The following DAB1 variants were observed in gnomAD, a reference collection of about 807,000 sequenced individuals.
DAB1 encodes the protein disabled homolog 1.
In DAB1, 15 loss-of-function variants were observed where a neutral mutation model predicts 64.6. The ratio of observed to expected loss-of-function variants is 0.23; its 90% CI spans 0.16 to 0.36. DAB1 has a LOEUF of 0.36. Among genes scored for constraint, DAB1 ranks in the 10% least tolerant of loss-of-function variants. DAB1 has a pLI of 1.00. For synonymous variants in DAB1, 235 were observed against 251.9 expected, an observed-to-expected ratio of 0.93 and a Z score of 0.64; for missense variants, 596 against 706.7, an observed-to-expected ratio of 0.84 and a Z score of 1.78.
At chr1:58,390,065 C>T (rs1644463723) in intron 3 of DAB1, among the ~76,000 whole-genome samples, 1 of 152,112 alleles carries the variant, frequency 6.6e-6, no homozygotes, top group African/African-American at 2.4e-5. Context: ...TATACTTTGC[C>T]TCTAACACAG....
intron 1 of DAB1, among the ~76,000 whole-genome samples, chr1:57,419,824 A>G (rs1684764070): frequency 6.6e-6 from 1 of 152,268 alleles, no homozygotes; most frequent in Non-Finnish European, 1.5e-5. Context: ...GAGCTGGTAG[A>G]GCTGAGATCT....
intron 1 of DAB1, among the ~76,000 whole-genome samples, chr1:58,543,224 G>T (rs961997524): frequency 6.6e-6 from 1 of 152,086 alleles, no homozygotes; most frequent in Non-Finnish European, 1.5e-5. Flanking sequence ...TCTCTAAGAC[G>T]TTTACATGGT....
intron 2 of DAB1, among the ~76,000 whole-genome samples, chr1:57,261,549 G>A (rs1670184156): frequency 6.6e-6 from 1 of 152,188 alleles, no homozygotes; most frequent in Non-Finnish European, 1.5e-5. Flanking sequence ...CAACCAGCTA[G>A]AATTGATAAT....
intron 5 of DAB1, chr1:58,048,050 A>G (rs1647361586): frequency 1.5e-6 from 1 of 686,490 alleles, no homozygotes; most frequent in Non-Finnish European, 2.6e-6. Flanking sequence ...TGTCTAAAAC[A>G]TGTCTTCTTT....
At chr1:58,092,760 G>A (rs1650745951) in intron 5 of DAB1, among the ~76,000 whole-genome samples, 1 of 152,090 alleles carries the variant, frequency 6.6e-6, no homozygotes, top group African/African-American at 2.4e-5. Flanking sequence ...AGCAAAAAGA[G>A]GTGGGGAGGG....
chr1:57,055,485 G>A (rs1269073200), intron 9 of DAB1, among the ~76,000 whole-genome samples: 4 of 152,182 alleles, frequency 2.6e-5, no homozygotes, highest in Admixed American at 2.0e-4. Context: ...ATGAGTAAAT[G>A]AGAAAGAGGA....
intron 5 of DAB1, among the ~76,000 whole-genome samples, chr1:58,015,529 A>T (rs1646726489): frequency 6.6e-6 from 1 of 152,088 alleles, no homozygotes; most frequent in Admixed American, 6.5e-5. Flanking sequence ...ACTACCCATG[A>T]CAAGCTTGTC....
At chr1:57,521,944 T>C (rs1644532062) in intron 7 of DAB1, among the ~76,000 whole-genome samples, 2 of 152,034 alleles carry the variant, frequency 1.3e-5, no homozygotes, top group African/African-American at 4.8e-5. Context: ...ACCCCGTCTC[T>C]AGTAAAAATA....
intron 4 of DAB1, among the ~76,000 whole-genome samples, chr1:58,223,249 C>T (rs1659270375): frequency 6.6e-6 from 1 of 152,150 alleles, no homozygotes; most frequent in Admixed American, 6.5e-5. Flanking sequence ...CTGGTTCCAT[C>T]AAAAGTGGCC....
At chr1:58,083,221 A>G (rs1428319040) in intron 5 of DAB1, among the ~76,000 whole-genome samples, 2 of 152,158 alleles carry the variant, frequency 1.3e-5, no homozygotes, top group African/African-American at 4.8e-5. Flanking sequence ...AACCCCAATT[A>G]TGGAAAAAGC....
intron 5 of DAB1, among the ~76,000 whole-genome samples, chr1:57,976,228 T>G (rs1035691649): frequency 2.0e-5 from 3 of 152,148 alleles, no homozygotes; most frequent in Non-Finnish European, 4.4e-5. Flanking sequence ...CCATCTCCCT[T>G]CCGGCTCTCA....
chr1:57,038,309 T>C (rs1374705025), intron 9 of DAB1, among the ~76,000 whole-genome samples: 1 of 152,256 alleles, frequency 6.6e-6, no homozygotes, highest in Non-Finnish European at 1.5e-5. Flanking sequence ...AGAGGTTTTT[T>C]TTCATTGCCG....
chr1:57,272,781 G>A (rs1465020681), intron 2 of DAB1, among the ~76,000 whole-genome samples: 1 of 152,218 alleles, frequency 6.6e-6, no homozygotes, highest in East Asian at 1.9e-4. Context: ...CTGGCCATCA[G>A]AGAGGTGTTC....
intron 7 of DAB1, among the ~76,000 whole-genome samples, chr1:57,455,900 C>T (rs1229472151): frequency 6.6e-6 from 1 of 152,146 alleles, no homozygotes; most frequent in East Asian, 1.9e-4. Context: ...CGGAACATTG[C>T]TGTTGGATGA....
chr1:57,903,969 A>C (rs1183110336), intron 5 of DAB1, among the ~76,000 whole-genome samples: 1 of 152,190 alleles, frequency 6.6e-6, no homozygotes, highest in Non-Finnish European at 1.5e-5. Flanking sequence ...TTAAACCACT[A>C]TTATGGGCCT....
intron 4 of DAB1, among the ~76,000 whole-genome samples, chr1:58,260,209 C>G (rs563335627): frequency 6.6e-6 from 1 of 152,110 alleles, no homozygotes; most frequent in Non-Finnish European, 1.5e-5. Context: ...GCTCGTATGT[C>G]CCCCCACCAG....
chr1:57,022,196 T>C (rs1646644781), intron 11 of DAB1, among the ~76,000 whole-genome samples: 1 of 152,172 alleles, frequency 6.6e-6, no homozygotes, highest in Non-Finnish European at 1.5e-5. Context: ...TTTGGGGCCA[T>C]CATCTGTCCC....
chr1:58,457,123 G>A (rs1322245535), intron 3 of DAB1, among the ~76,000 whole-genome samples: 1 of 152,122 alleles, frequency 6.6e-6, no homozygotes, highest in African/African-American at 2.4e-5. Flanking sequence ...ATTTTGCACA[G>A]TAGAAAATCG....
chr1:58,093,407 A>G (rs1650794723), intron 5 of DAB1, among the ~76,000 whole-genome samples: 2 of 152,176 alleles, frequency 1.3e-5, no homozygotes, highest in Admixed American at 6.6e-5. Flanking sequence ...GGAGGTAAGC[A>G]GAGGACGAGT....
Sources: gnomAD v4.1 joint callset for allele counts (sites outside exome capture counted in the v4.1 genomes callset) on GRCh38, gnomAD v4.1.1 for gene constraint, MANE v1.5 for transcripts, NCBI Gene and HGNC (gene_info 2026-07-23, HGNC 2026-07-21) for gene names.